Variants in NEGR1 observed in about 807,000 individuals in gnomAD.
NEGR1 encodes neuronal growth regulator 1, also known as IgLON family member 4.
In NEGR1, 10 loss-of-function variants were observed where a neutral mutation model predicts 40.9. The ratio of observed to expected loss-of-function variants is 0.24; its 90% CI spans 0.15 to 0.42. The LOEUF is 0.42. NEGR1 is among the 10% of genes least tolerant of loss of function. The pLI, the probability that NEGR1 is intolerant of heterozygous loss-of-function variation, is 1.00. For synonymous variants in NEGR1, 185 were observed against 166.8 expected, an observed-to-expected ratio of 1.11 and a Z score of -0.84; for missense variants, 352 against 438.9, an observed-to-expected ratio of 0.80 and a Z score of 1.77.
chr1:71,723,021 A>C (rs1654560300), intron 3 of NEGR1, among the ~76,000 whole-genome samples: 1 of 124,524 alleles, frequency 8.0e-6, no homozygotes, highest in Non-Finnish European at 1.7e-5. Context: ...CTTTTCCTAG[A>C]AAGTTTCTGA....
intron 1 of NEGR1, among the ~76,000 whole-genome samples, chr1:72,204,071 A>G (rs1021140602): frequency 6.6e-6 from 1 of 152,094 alleles, no homozygotes; most frequent in Non-Finnish European, 1.5e-5. Context: ...ATCTAGAACC[A>G]TGCCCACAAT....
chr1:71,762,213 G>A (rs746620967), intron 3 of NEGR1, among the ~76,000 whole-genome samples: 3 of 151,394 alleles, frequency 2.0e-5, no homozygotes, highest in Non-Finnish European at 4.4e-5. Context: ...TCTAAAAAAT[G>A]CTCAGGTAAC....
chr1:71,631,873 G>T (rs983637985), intron 4 of NEGR1, among the ~76,000 whole-genome samples: 1 of 151,608 alleles, frequency 6.6e-6, no homozygotes, highest in African/African-American at 2.4e-5. Flanking sequence ...AAATATGCAC[G>T]TTCATACAGT....
intron 1 of NEGR1, among the ~76,000 whole-genome samples, chr1:72,232,972 G>A (rs1194272): frequency 0.025 from 3,731 of 152,266 alleles, 76 homozygotes; most frequent in African/African-American, 0.041. Context: ...ACTGGCTAGA[G>A]AGCTGTATTT....
chr1:72,124,031 G>A (rs1347629224), intron 1 of NEGR1, among the ~76,000 whole-genome samples: 2 of 151,998 alleles, frequency 1.3e-5, no homozygotes, highest in South Asian at 2.1e-4. Context: ...TATATAGTTT[G>A]TATAATCTGA....
rs997382038 is a variant in NEGR1 at position 71,744,196 on chromosome 1, G to A, written c.535+31976C>T. ...GGAGAATGAACTTGATAGCTGTAAA[G>A]CTCAGGGTCCAAATCTTTACTCTGC... On this transcript the variant is annotated intron_variant, in intron 3 of 6. Coordinates refer to ENST00000357731, the MANE Select transcript of NEGR1 (RefSeq NM_173808.3). Among the ~76,000 whole-genome samples, 4 of 151,272 alleles carry A rather than the reference G, an allele frequency of 2.6e-5. No individual in the cohort carries two copies. The Admixed American group carries it at 2.6e-4, about 10-fold the overall frequency.
intron 1 of NEGR1, among the ~76,000 whole-genome samples, chr1:72,229,260 A>G (rs1286455317): frequency 6.6e-6 from 1 of 151,376 alleles, no homozygotes; most frequent in Admixed American, 6.6e-5. Flanking sequence ...TGGAATCCAT[A>G]TATTACCTCT....
At chr1:71,952,840 T>G (rs574085352) in intron 1 of NEGR1, among the ~76,000 whole-genome samples, 1 of 151,664 alleles carries the variant, frequency 6.6e-6, no homozygotes, top group Non-Finnish European at 1.5e-5. Context: ...TTAAGAATTA[T>G]GCTAAATCTA....
chr1:71,940,258 A>T (rs1645946788), intron 1 of NEGR1, among the ~76,000 whole-genome samples: 1 of 152,172 alleles, frequency 6.6e-6, no homozygotes, highest in African/African-American at 2.4e-5. Context: ...AATAATAAAT[A>T]TATCCTTTAA....
chr1:72,142,757 G>T (rs2245234), intron 1 of NEGR1, among the ~76,000 whole-genome samples: 24,534 of 151,124 alleles, frequency 0.16, 2,246 homozygotes, highest in African/African-American at 0.21. Flanking sequence ...TTGTTTTTTT[G>T]TTTGTTTGTT....
At chr1:71,658,829 A>T (rs1272665481) in intron 4 of NEGR1, among the ~76,000 whole-genome samples, 1 of 152,180 alleles carries the variant, frequency 6.6e-6, no homozygotes, top group African/African-American at 2.4e-5. Flanking sequence ...TATACTTGAC[A>T]GTTATGTAAA....
chr1:72,158,540 CAACAGATCACTCAA>C (rs1651442953), intron 1 of NEGR1, among the ~76,000 whole-genome samples: 1 of 152,162 alleles, frequency 6.6e-6, no homozygotes, highest in South Asian at 2.1e-4. Context: ...CAGCTCCACT[CAACAGATCACTCAA>C]TGATCCCTGG....
intron 1 of NEGR1, among the ~76,000 whole-genome samples, chr1:72,194,172 A>T (rs186799606): frequency 8.7e-4 from 132 of 152,002 alleles, no homozygotes; most frequent in African/African-American, 3.1e-3. Context: ...TATTTGACCA[A>T]ATGTTTGTCT....
intron 3 of NEGR1, among the ~76,000 whole-genome samples, chr1:71,731,015 CT>C (rs988994249): frequency 2.6e-5 from 4 of 151,524 alleles, no homozygotes; most frequent in African/African-American, 9.7e-5. Context: ...CATTACTGGG[CT>C]TTTTACTTTT....
At chr1:72,097,559 T>C (rs1648749267) in intron 1 of NEGR1, among the ~76,000 whole-genome samples, 1 of 152,068 alleles carries the variant, frequency 6.6e-6, no homozygotes, top group Non-Finnish European at 1.5e-5. Flanking sequence ...TAGAAAAAAA[T>C]ATAATCTGGG....
intron 2 of NEGR1, among the ~76,000 whole-genome samples, chr1:71,923,961 T>A (rs903990983): frequency 1.3e-5 from 2 of 151,556 alleles, no homozygotes; most frequent in Non-Finnish European, 2.9e-5. Context: ...CAGGCTGGAG[T>A]GCAGTGGCAC....
intron 3 of NEGR1, among the ~76,000 whole-genome samples, chr1:71,744,578 C>T (rs1055347123): frequency 6.6e-6 from 1 of 151,912 alleles, no homozygotes; most frequent in Non-Finnish European, 1.5e-5. Context: ...CTTTGATCTT[C>T]TAGTTAGTAA....
intron 1 of NEGR1, among the ~76,000 whole-genome samples, chr1:72,141,974 T>A (rs1650695454): frequency 6.6e-6 from 1 of 151,144 alleles, no homozygotes; most frequent in African/African-American, 2.4e-5. Context: ...AATAAAAAAG[T>A]CAGCAGCTAA....
At chr1:72,206,766 G>A (rs969811551) in intron 1 of NEGR1, among the ~76,000 whole-genome samples, 1 of 151,880 alleles carries the variant, frequency 6.6e-6, no homozygotes, top group Non-Finnish European at 1.5e-5. Context: ...TCAACATAAA[G>A]GTGAACTCTA....
Sources: allele counts gnomAD v4.1 joint callset (sites outside exome capture counted in the v4.1 genomes callset), GRCh38; gene constraint gnomAD v4.1.1; transcripts MANE v1.5; gene names NCBI Gene and HGNC (gene_info 2026-07-23, HGNC 2026-07-21).